GRIK4: variants seen among roughly 807,000 people sequenced by gnomAD.
GRIK4 encodes glutamate ionotropic receptor kainate type subunit 4.
In GRIK4, 40 loss-of-function variants were observed where a neutral mutation model predicts 104.9. That is an observed-to-expected ratio of 0.38 (90% CI 0.30 to 0.50). The LOEUF (loss-of-function observed/expected upper bound fraction) is 0.50. GRIK4 is among the 20% of genes least tolerant of loss of function. The probability of loss-of-function intolerance (pLI) is 0.93; values close to 1 mark genes in which losing one functional copy is unlikely to be tolerated. For missense variants in GRIK4, 1,047 were observed against 1,308.1 expected (o/e 0.80, Z 3.08); for synonymous variants, 485 against 524.9 (o/e 0.92, Z 1.04).
rs576441719 is a variant in GRIK4 at position 120,907,720 on chromosome 11, T to C, written c.1476+2227T>C. On this transcript the variant is annotated intron_variant, in intron 13 of 20. Transcript: ENST00000527524. Reference sequence around the variant, plus strand: ...GCAGGGGAGGCAGAGTGGAAGGCGTTGTAGGAGAACATCTAGAGGAGAGTA... The same window carrying C: ...GCAGGGGAGGCAGAGTGGAAGGCGTCGTAGGAGAACATCTAGAGGAGAGTA... 3.4e-4 allele frequency among the ~76,000 whole-genome samples: 49 copies of C among 145,832 alleles called. 1 individual carries two copies. The highest frequency in any genetic ancestry group is 5.6e-4 in the Non-Finnish European group (38 of 67,974).
At chr11:120,641,617 G>A (rs1049553789) in intron 1 of GRIK4, among the ~76,000 whole-genome samples, 1 of 152,192 alleles carries the variant, frequency 6.6e-6, no homozygotes, top group Non-Finnish European at 1.5e-5. Flanking sequence ...GCTGATGGGA[G>A]TGTCTTTTAA....
At chr11:120,646,933 T>G (rs1949552235) in intron 1 of GRIK4, among the ~76,000 whole-genome samples, 1 of 152,192 alleles carries the variant, frequency 6.6e-6, no homozygotes, top group Non-Finnish European at 1.5e-5. Flanking sequence ...TCTCCTATTT[T>G]ATGGGAAAGT....
intron 1 of GRIK4, among the ~76,000 whole-genome samples, chr11:120,520,626 G>C (rs1374642675): frequency 1.3e-5 from 2 of 152,094 alleles, no homozygotes; most frequent in East Asian, 3.9e-4. Context: ...GGACCAACCA[G>C]GGTTGTGTCC....
At chr11:120,714,240 C>T (rs1305154465) in intron 3 of GRIK4, among the ~76,000 whole-genome samples, 1 of 152,170 alleles carries the variant, frequency 6.6e-6, no homozygotes, top group East Asian at 1.9e-4. Context: ...TCTGGAGGCT[C>T]ATTGTGACTT....
At chr11:120,775,568 C>T (rs961811374) in intron 3 of GRIK4, among the ~76,000 whole-genome samples, 11 of 152,158 alleles carry the variant, frequency 7.2e-5, no homozygotes, top group South Asian at 2.1e-4. Flanking sequence ...ATGCTTACTA[C>T]GTGTATGGAA....
intron 6 of GRIK4, among the ~76,000 whole-genome samples, chr11:120,823,069 C>A (rs1337466613): frequency 6.6e-6 from 1 of 152,162 alleles, no homozygotes; most frequent in African/African-American, 2.4e-5. Flanking sequence ...TTTGGCAGGA[C>A]TGAACTGGTG....
intron 4 of GRIK4, among the ~76,000 whole-genome samples, chr11:120,806,069 A>G (rs1193987370): frequency 6.6e-6 from 1 of 152,146 alleles, no homozygotes; most frequent in Non-Finnish European, 1.5e-5. Flanking sequence ...ATTGCCTCAT[A>G]GGGTCACTGG....
chr11:120,802,965 A>C (rs1952648392), intron 4 of GRIK4, 108 bp downstream of exon 4: 2 of 960,820 alleles, frequency 2.1e-6, no homozygotes, highest in Non-Finnish European at 3.2e-6. Context: ...TCTGATGTCG[A>C]TATTTCCAGA....
chr11:120,802,944 C>A, intron 4 of GRIK4, 87 bp downstream of exon 4: 2 of 1,132,792 alleles, frequency 1.8e-6, no homozygotes, highest in Non-Finnish European at 2.6e-6. Flanking sequence ...AGTCACCAGG[C>A]CTCTGAGATA....
chr11:120,859,984 A>G (rs1954219190), intron 8 of GRIK4, among the ~76,000 whole-genome samples: 1 of 152,164 alleles, frequency 6.6e-6, no homozygotes, highest in Admixed American at 6.5e-5. Flanking sequence ...CAGTGTCTGG[A>G]GCTGTGTGGC....
At chr11:120,751,843 C>A (rs1235883532) in intron 3 of GRIK4, among the ~76,000 whole-genome samples, 1 of 152,134 alleles carries the variant, frequency 6.6e-6, no homozygotes, top group Non-Finnish European at 1.5e-5. Context: ...GGAGGATGAT[C>A]CTGGGAAGCT....
At chr11:120,875,626 C>T (rs1356163519) in intron 11 of GRIK4, among the ~76,000 whole-genome samples, 1 of 152,150 alleles carries the variant, frequency 6.6e-6, no homozygotes, top group Admixed American at 6.5e-5. Context: ...GGAAACCCTT[C>T]AGTGTTGCAG....
chr11:120,666,036 G>GTTTTTTTTTT (rs1949908728), intron 3 of GRIK4, among the ~76,000 whole-genome samples: 2 of 152,128 alleles, frequency 1.3e-5, no homozygotes, highest in African/African-American at 4.8e-5. Context: ...TAGATATTCC[G>GTTTTTTTTTT]TTTTACAGAT....
chr11:120,655,222 A>G (rs1434588196), intron 2 of GRIK4, among the ~76,000 whole-genome samples: 1 of 151,880 alleles, frequency 6.6e-6, no homozygotes, highest in African/African-American at 2.4e-5. Context: ...AGGGGATCAC[A>G]GAAGCCTCGA....
At chr11:120,611,342 A>G (rs1949035234) in intron 1 of GRIK4, among the ~76,000 whole-genome samples, 1 of 152,188 alleles carries the variant, frequency 6.6e-6, no homozygotes, top group Non-Finnish European at 1.5e-5. Flanking sequence ...AAGAGGAACA[A>G]TAATATTTAA....
At chr11:120,944,933 A>G (rs1428574887) in intron 14 of GRIK4, among the ~76,000 whole-genome samples, 9 of 152,178 alleles carry the variant, frequency 5.9e-5, no homozygotes, top group Non-Finnish European at 1.3e-4. Flanking sequence ...AGTGTTAGCT[A>G]TTATACTCAA....
At chr11:120,621,786 T>C (rs1949192732) in intron 1 of GRIK4, among the ~76,000 whole-genome samples, 1 of 152,208 alleles carries the variant, frequency 6.6e-6, no homozygotes, top group African/African-American at 2.4e-5. Flanking sequence ...CTGTCATCCG[T>C]AGAGACTTCT....
At chr11:120,591,236 G>A (rs1292246925) in intron 1 of GRIK4, among the ~76,000 whole-genome samples, 1 of 151,642 alleles carries the variant, frequency 6.6e-6, no homozygotes, top group Non-Finnish European at 1.5e-5. Context: ...ATGGACCTGG[G>A]CATGGCTGTG....
chr11:120,803,420 G>A (rs1952658588), intron 4 of GRIK4, among the ~76,000 whole-genome samples: 1 of 152,120 alleles, frequency 6.6e-6, no homozygotes, highest in South Asian at 2.1e-4. Context: ...AGGTTGTTAG[G>A]TTGTTGTGAG....
Sources: gnomAD v4.1 joint callset for allele counts (sites outside exome capture counted in the v4.1 genomes callset) on GRCh38, gnomAD v4.1.1 for gene constraint, MANE v1.5 for transcripts, NCBI Gene and HGNC (gene_info 2026-07-23, HGNC 2026-07-21) for gene names.